Variants in CSGALNACT2 observed in about 807,000 individuals in gnomAD.
CSGALNACT2 encodes the protein beta 4 GalNAcT-2.
CSGALNACT2 carries 35 observed loss-of-function variants against 55.3 expected under a neutral mutation model. That is an observed-to-expected ratio of 0.63 (90% confidence interval 0.48 to 0.84). CSGALNACT2 has a LOEUF of 0.84. Ranked by LOEUF, CSGALNACT2 falls within the 40% of genes least tolerant of loss-of-function variation. The pLI, the probability that CSGALNACT2 is intolerant of heterozygous loss-of-function variation, is 0.00. For missense variants in CSGALNACT2, 544 were observed against 657.5 expected, an observed-to-expected ratio of 0.83 and a Z score of 1.89; for synonymous variants, 196 against 224.9, an observed-to-expected ratio of 0.87 and a Z score of 1.15.
At position 43,155,378 on chromosome 10, in the gene CSGALNACT2, C is replaced by T. The variant is rs763376840; in HGVS notation, c.229C>T (p.Arg77Cys). The change falls in exon 2 of 8, where the codon CGC (arginine) becomes TGC (cysteine). Residue 77 changes from arginine to cysteine, a missense_variant. Arg to Cys is a radical substitution (Grantham distance 180). Coordinates refer to ENST00000374466, the MANE Select transcript of CSGALNACT2 (RefSeq NM_018590.5). ...TCAGACCAGGGCAACCAGTCTGAAA[C>T]GCCAAATTGCCCAACTAAAACAAGA... Reference protein sequence around the residue: ...HYQTRATSLKRQIAQLKQELQ... With the variant: ...HYQTRATSLKCQIAQLKQELQ... 6.8e-5 allele frequency: 110 copies of T among 1,614,128 alleles called. No individual in the cohort carries two copies. Among genetic ancestry groups the T allele is most frequent in the East Asian group, 2.0e-4 (9 of 44,888 alleles).
chr10:43,176,166 A>G (rs1800011509), intron 7 of CSGALNACT2, 134 bp downstream of exon 7: 7 of 587,598 alleles, frequency 1.2e-5, no homozygotes, highest in Non-Finnish European at 2.0e-5. Flanking sequence ...GAGAAACTGG[A>G]TATACAAAAG....
intron 4 of CSGALNACT2, chr10:43,162,449 G>T: frequency 1.0e-6 from 1 of 985,374 alleles, no homozygotes; most frequent in Non-Finnish European, 1.2e-6. Flanking sequence ...GAGAGTGAGG[G>T]GTATTCTGTG....
At position 43,162,644 on chromosome 10, in the gene CSGALNACT2, A is replaced by G. The variant is rs181237222; in HGVS notation, c.981-1222A>G. 21 of 985,390 alleles carry G rather than the reference A, an allele frequency of 2.1e-5. No homozygotes were observed. In the Admixed American group the frequency reaches 1.0e-3, roughly 49 times the overall value. 61.0% of individuals were successfully genotyped at this position (985,390 alleles called of 1,614,324 possible). The stretch of plus-strand genomic sequence containing the variant: ...TCCATTACCCATTCTGTACTGTTGT[A>G]AGTGTAATCCTCCTAAAATGTTACT... On this transcript the variant is annotated intron_variant, in intron 4 of 7. Coordinates refer to ENST00000374466, the MANE Select transcript of CSGALNACT2 (RefSeq NM_018590.5).
chr10:43,145,643 C>T (rs1056165398), intron 1 of CSGALNACT2, among the ~76,000 whole-genome samples: 1 of 152,046 alleles, frequency 6.6e-6, no homozygotes, highest in African/African-American at 2.4e-5. Context: ...AAATTCTGGC[C>T]TCAAGTGATC....
intron 7 of CSGALNACT2, among the ~76,000 whole-genome samples, chr10:43,182,604 G>C (rs762699774): frequency 5.3e-5 from 8 of 151,942 alleles, no homozygotes; most frequent in Non-Finnish European, 1.0e-4. Flanking sequence ...AATGTGGCTG[G>C]TCGCAGTGGC....
chr10:43,160,720 G>T (rs1839127915), intron 4 of CSGALNACT2, 125 bp downstream of exon 4: 1 of 636,694 alleles, frequency 1.6e-6, no homozygotes, highest in Non-Finnish European at 2.8e-6. Flanking sequence ...CATGTGGGCG[G>T]TGGTGGTGAT....
chr10:43,179,100 CTA>C (rs1405850690), intron 7 of CSGALNACT2, among the ~76,000 whole-genome samples: 2 of 152,014 alleles, frequency 1.3e-5, no homozygotes, highest in African/African-American at 2.4e-5. Flanking sequence ...TATTAATACT[CTA>C]TGTGATGAAA....
intron 6 of CSGALNACT2, among the ~76,000 whole-genome samples, chr10:43,168,709 C>T (rs1052970024): frequency 1.0e-4 from 15 of 144,406 alleles, no homozygotes; most frequent in Admixed American, 4.2e-4. Flanking sequence ...CACACACACA[C>T]GCCTCTACCT....
intron 1 of CSGALNACT2, among the ~76,000 whole-genome samples, chr10:43,144,565 GT>G (rs11291922): frequency 0.84 from 127,385 of 151,972 alleles, 54,033 homozygotes; most frequent in African/African-American, 0.94. Flanking sequence ...AACTGGAGGG[GT>G]TTTTTTTTGT....
At chr10:43,181,196 T>A (rs981009908) in intron 7 of CSGALNACT2, among the ~76,000 whole-genome samples, 20 of 152,328 alleles carry the variant, frequency 1.3e-4, no homozygotes, top group Admixed American at 6.5e-4. Context: ...CAGCAATTTG[T>A]CGATTACAGT....
At chr10:43,170,575 G>C (rs1588909797) in intron 6 of CSGALNACT2, among the ~76,000 whole-genome samples, 1 of 152,178 alleles carries the variant, frequency 6.6e-6, no homozygotes, top group East Asian at 1.9e-4. Context: ...ATACAAATGA[G>C]TGAGTGAATG....
chr10:43,176,312 A>C (rs1200547171), intron 7 of CSGALNACT2, among the ~76,000 whole-genome samples: 2 of 152,220 alleles, frequency 1.3e-5, no homozygotes, highest in Non-Finnish European at 2.9e-5. Flanking sequence ...CCATAGTTGC[A>C]GGTGTTTAGA....
Position 43,175,984 on chromosome 10 carries a change from T to G in CSGALNACT2, c.1288T>G (p.Phe430Val). 6.2e-7 allele frequency: 1 copy of G among 1,610,374 alleles called. No homozygotes were observed. The change falls in exon 7 of 8, where the codon TTT becomes GTT. Residue 430 changes from phenylalanine to valine, a missense_variant. Physicochemically the swap from Phe to Val is conservative, Grantham distance 50. This residue lies in a region of CSGALNACT2 where 170 missense variants were observed against 256.2 expected (regional missense o/e 0.66). Transcript: ENST00000374466. ...HKKDSGFWRD[F>V]GFGMTCQYRS... ...AAAGGATTCTGGCTTTTGGCGAGAT[T>G]TTGGCTTTGGAATGACTTGTCAGTA...
chr10:43,181,451 G>A (rs1839587601), intron 7 of CSGALNACT2, among the ~76,000 whole-genome samples: 1 of 152,136 alleles, frequency 6.6e-6, no homozygotes, highest in Non-Finnish European at 1.5e-5. Flanking sequence ...TGCCCCATTT[G>A]TTTTAAGTAT....
intron 2 of CSGALNACT2, among the ~76,000 whole-genome samples, chr10:43,156,181 A>C (rs78355184): frequency 0.044 from 6,665 of 152,340 alleles, 180 homozygotes; most frequent in South Asian, 0.089. Flanking sequence ...TCAAAACTTG[A>C]AAACCATTTG....
chr10:43,145,855 C>T (rs75904548), intron 1 of CSGALNACT2, among the ~76,000 whole-genome samples: 1 of 152,108 alleles, frequency 6.6e-6, no homozygotes, highest in Admixed American at 6.5e-5. Context: ...GATTTACAGA[C>T]CTGGTCTCCA....
chr10:43,154,161 C>T (rs765487056), intron 1 of CSGALNACT2, among the ~76,000 whole-genome samples: 1 of 152,208 alleles, frequency 6.6e-6, no homozygotes. Context: ...GAAAATCTCT[C>T]TCTCCAGTAA....
At chr10:43,144,623 G>T (rs1245883336) in intron 1 of CSGALNACT2, among the ~76,000 whole-genome samples, 2 of 151,900 alleles carry the variant, frequency 1.3e-5, no homozygotes, top group African/African-American at 4.8e-5. Flanking sequence ...AATCTGACTT[G>T]GCTTTATTTT....
chr10:43,156,860 C>A lies in CSGALNACT2; in HGVS notation c.661+1050C>A, dbSNP rs375481800. Among the ~76,000 whole-genome samples the A allele has an allele frequency of 5.4e-4, 82 of 152,378 alleles. 1 individual carries two copies. The South Asian group carries it at 6.6e-3, about 12-fold the overall frequency. On this transcript the variant is annotated intron_variant, in intron 2 of 7. Transcript: ENST00000374466. ...TCTTGCTGTGCCGCCTAGTTCCCAA[C>A]AAACAGGCCACGGACCAGTAGCGGT...
Sources: allele counts gnomAD v4.1 joint callset (sites outside exome capture counted in the v4.1 genomes callset), GRCh38; gene constraint gnomAD v4.1.1; regional missense constraint gnomAD v4.1.1; transcripts MANE v1.5; gene names NCBI Gene and HGNC (gene_info 2026-07-23, HGNC 2026-07-21).